The following FGFR1 variants were observed in gnomAD, a reference collection of about 807,000 sequenced individuals.
The protein encoded by FGFR1 is FGFR1/PLAG1 fusion.
A neutral mutation model predicts 93.7 loss-of-function variants in FGFR1; 18 were observed. The observed-to-expected ratio is 0.19, with a 90% confidence interval of 0.13 to 0.28. The LOEUF (loss-of-function observed/expected upper bound fraction) is 0.28. FGFR1 is among the 10% of genes least tolerant of loss of function. FGFR1 has a pLI of 1.00. For missense variants in FGFR1, 731 were observed against 1,080.4 expected (o/e 0.68, Z 4.53); for synonymous variants, 448 against 429.3 (o/e 1.04, Z -0.54).
chr8:38,454,526 C>G (rs1269052125), intron 2 of FGFR1, among the ~76,000 whole-genome samples: 1 of 152,176 alleles, frequency 6.6e-6, no homozygotes, highest in Non-Finnish European at 1.5e-5. Context: ...CCCACAGATG[C>G]TATTGCTGTA....
chr8:38,424,684 C>T lies in FGFR1; in HGVS notation c.761G>A (p.Arg254Gln), dbSNP rs1820085287. ...QLDVVERSPH[R>Q]PILQAGLPAN... Reference sequence around the variant, plus strand: ...GGGCAACCCTGCTTGCAGGATGGGCCGGTGAGGGGACCGCTCTGTGGAAGA... The same window carrying T: ...GGGCAACCCTGCTTGCAGGATGGGCTGGTGAGGGGACCGCTCTGTGGAAGA... Residue 254 changes from arginine (R) to glutamine (Q), a missense_variant, in exon 7 of 18, where the codon CGG becomes CAG. By Grantham distance (43) the Arg-to-Gln change is conservative. Around this residue, in one of 10 missense-constraint regions of FGFR1, gnomAD observed 109 missense variants for 249.4 expected, o/e 0.44. Coordinates refer to ENST00000447712, the MANE Select transcript of FGFR1 (RefSeq NM_023110.3). This position sits in a 1 kb window ranked among gnomAD's most constrained non-coding sequence, Gnocchi z 4.3. 1.2e-6 allele frequency: 2 copies of T among 1,611,968 alleles called. No homozygotes were observed. Among genetic ancestry groups the T allele is most frequent in the Non-Finnish European group, 8.5e-7 (1 of 1,178,216 alleles).
chr8:38,431,893 G>C (rs748014377), intron 2 of FGFR1, among the ~76,000 whole-genome samples: 3 of 152,118 alleles, frequency 2.0e-5, no homozygotes, highest in Admixed American at 6.5e-5. Flanking sequence ...AATGGTCTGT[G>C]GTTTTGCCAA....
rs374674165 is a variant in FGFR1, at chr8:38,419,638, C to G, written c.1179G>C (p.Ser393=). 1 of 1,614,056 alleles carries G rather than the reference C, an allele frequency of 6.2e-7. No individual in the cohort carries two copies. Among genetic ancestry groups the G allele is most frequent in the Non-Finnish European group, 8.5e-7 (1 of 1,179,986 alleles). Residue 393 remains serine, a synonymous_variant, in exon 9 of 18, where the codon TCG becomes TCC. Coordinates refer to ENST00000447712, the MANE Select transcript of FGFR1 (RefSeq NM_023110.3). Reference sequence around the variant, plus strand: ...CACTCTTCATCTTGTAGACGATGACCGACCCCACCATGCAGGAGATGAGGA... The same window carrying G: ...CACTCTTCATCTTGTAGACGATGACGGACCCCACCATGCAGGAGATGAGGA... ...GAFLISCMVG[S]VIVYKMKSGT... is the part of the protein sequence containing the mutation.
At chr8:38,467,041 T>C (rs1835721261) in intron 1 of FGFR1, among the ~76,000 whole-genome samples, 1 of 151,756 alleles carries the variant, frequency 6.6e-6, no homozygotes, top group Non-Finnish European at 1.5e-5. Context: ...AACATAACGG[T>C]AGGGGAAGCG....
At chr8:38,457,254 C>T (rs1261844934) in intron 2 of FGFR1, 102 bp downstream of exon 2, 19 of 1,314,722 alleles carry the variant, frequency 1.4e-5, no homozygotes, top group East Asian at 2.4e-5. Context: ...TGGGAAGGAG[C>T]CTTCCCTGTT....
Position 38,414,802 on chromosome 8 carries a change from C to T in FGFR1, c.1954G>A (p.Asp652Asn), listed in dbSNP as rs751038400. ...ACGTTGGTTGTCTTTTTATAGTAGT[C>T]GATGTGGTGAATGTCCCGTGCGAGG... is the stretch of plus-strand genomic sequence containing the variant. The part of the protein sequence containing the change: ...FGLARDIHHI[D>N]YYKKTTNGRL... The change falls in exon 14 of 18, where the codon GAC (aspartate) becomes AAC (asparagine). Residue 652 changes from aspartate to asparagine, a missense_variant. Physicochemically the swap from Asp to Asn is conservative, Grantham distance 23. This residue lies in a region of FGFR1 where 44 missense variants were observed against 99.9 expected (regional missense o/e 0.44). Transcript: ENST00000447712. 18 of 1,613,942 alleles carry T rather than the reference C, an allele frequency of 1.1e-5. No individual in the cohort carries two copies. Among genetic ancestry groups the T allele is most frequent in the Non-Finnish European group, 1.2e-5 (14 of 1,180,030 alleles).
chr8:38,418,612 C>A lies in FGFR1; in HGVS notation c.1285-239G>T, dbSNP rs908933942. ...TCACTCACCTTTAAAATAAGCAGAC[C>A]AAATGCACCTCTTCCAGCTTGACAT... On this transcript the variant is annotated intron_variant, in intron 9 of 17. Coordinates refer to ENST00000447712, the MANE Select transcript of FGFR1 (RefSeq NM_023110.3). 3 of 573,296 alleles carry A rather than the reference C, an allele frequency of 5.2e-6. No individual in the cohort carries two copies. In the African/African-American group the frequency reaches 5.6e-5, roughly 11 times the overall value. 35.5% of individuals were successfully genotyped at this position (573,296 alleles called of 1,614,324 possible).
At chr8:38,444,977 C>G (rs910285976) in intron 2 of FGFR1, among the ~76,000 whole-genome samples, 4 of 152,170 alleles carry the variant, frequency 2.6e-5, no homozygotes, top group Non-Finnish European at 5.9e-5. Context: ...ACTCAGATGA[C>G]AGCTGATCAC....
At chr8:38,446,814 C>T (rs1395981841) in intron 2 of FGFR1, among the ~76,000 whole-genome samples, 1 of 152,136 alleles carries the variant, frequency 6.6e-6, no homozygotes, top group Non-Finnish European at 1.5e-5. Flanking sequence ...GATTGTTGGA[C>T]CACATCCATA....
Position 38,412,446 on chromosome 8 carries a change from C to T in FGFR1, c.*1182G>A, listed in dbSNP as rs1814677832. 1 of 233,080 alleles carries T rather than the reference C, an allele frequency of 4.3e-6. No homozygotes were observed. Among genetic ancestry groups the T allele is most frequent in the East Asian group, 6.0e-5 (1 of 16,556 alleles). The allele number at this position is 233,080 out of a possible 1,614,324, so 14.4% of individuals were successfully genotyped here. On this transcript the variant is annotated 3_prime_UTR_variant, in exon 18 of 18. Coordinates refer to ENST00000447712, the MANE Select transcript of FGFR1 (RefSeq NM_023110.3). ...ACCGGTTTCCTTGGAGGAAACCATCCATGGTCGATGGCTGCTGGGCCTTGA... is the reference window on the plus strand; with the variant it reads ...ACCGGTTTCCTTGGAGGAAACCATCTATGGTCGATGGCTGCTGGGCCTTGA...
At chr8:38,454,094 C>G (rs1439271026) in intron 2 of FGFR1, among the ~76,000 whole-genome samples, 1 of 152,168 alleles carries the variant, frequency 6.6e-6, no homozygotes, top group Non-Finnish European at 1.5e-5. Context: ...CCATCCACCT[C>G]TCTTACTCCC....
At chr8:38,423,662 TAAAAAAAAAAA>T (rs1209840278) in intron 7 of FGFR1, 1 of 115,082 alleles carries the variant, frequency 8.7e-6, no homozygotes, top group Non-Finnish European at 1.8e-5. Context: ...AGCATTTGAT[TAAAAAAAAAAA>T]AAAAAAAAAA....
chr8:38,443,990 T>C (rs1202948511), intron 2 of FGFR1, among the ~76,000 whole-genome samples: 2 of 136,426 alleles, frequency 1.5e-5, no homozygotes, highest in African/African-American at 2.8e-5. Flanking sequence ...GAGGTGGAGG[T>C]TGCAGTGAGC....
At chr8:38,463,014 C>G (rs1037062398) in intron 1 of FGFR1, 1 of 152,110 alleles carries the variant, frequency 6.6e-6, no homozygotes, top group African/African-American at 2.4e-5. Context: ...AAGTGATCCT[C>G]CCACCTCAGC....
At chr8:38,466,891 CCCCA>C (rs1365197527) in intron 1 of FGFR1, among the ~76,000 whole-genome samples, 69 of 20,702 alleles carry the variant, frequency 3.3e-3, no homozygotes, top group East Asian at 0.031. Context: ...AGGCTTCACA[CCCCA>C]CCCCCCCCCC....
In FGFR1 at chr8:38,468,199, A is replaced by T. The variant is rs1835949886; in HGVS notation, c.-307T>A. 4.4e-6 allele frequency: 1 copy of T among 228,198 alleles called. No homozygotes were observed. Among genetic ancestry groups the T allele is most frequent in the Non-Finnish European group, 8.7e-6 (1 of 114,812 alleles). The allele number at this position is 228,198 out of a possible 1,614,324, so 14.1% of individuals were successfully genotyped here. On this transcript the variant is annotated 5_prime_UTR_variant, in exon 1 of 18. Transcript: ENST00000447712. The stretch of plus-strand genomic sequence containing the variant: ...AATGGAGCCGGAGCTGGTGCCCCGG[A>T]GGCGGGGCGGGGGGAGGGCTCCCGT...
rs1815756809 is a variant in FGFR1 at position 38,414,767 on chromosome 8, G to C, written c.1977+12C>G. Reference sequence around the variant, plus strand: ...GAAACCACCAGCACAGGGCGGCCTTGTCGGCACTCACGTTGGTTGTCTTTT... The same window carrying C: ...GAAACCACCAGCACAGGGCGGCCTTCTCGGCACTCACGTTGGTTGTCTTTT... On this transcript the variant is annotated intron_variant, in intron 14 of 17. Transcript: ENST00000447712. 1 of 1,613,966 alleles carries C rather than the reference G, an allele frequency of 6.2e-7. No homozygotes were observed. The highest frequency in any genetic ancestry group is 8.5e-7 in the Non-Finnish European group (1 of 1,180,054).
Position 38,417,874 on chromosome 8 carries a change from C to T in FGFR1, c.1548G>A (p.Leu516=), listed in dbSNP as rs779350149. 2.5e-6 allele frequency: 4 copies of T among 1,614,192 alleles called. No individual in the cohort carries two copies. In the East Asian group the frequency reaches 8.9e-5, roughly 36 times the overall value. The part of the protein sequence containing the change: ...NRVTKVAVKM[L]KSDATEKDLS... ...AAGGACAGAAGCATCACTTACACTTCAACATCTTCACAGCCACTTTGGTCA... is the reference window on the plus strand; with the variant it reads ...AAGGACAGAAGCATCACTTACACTTTAACATCTTCACAGCCACTTTGGTCA... Residue 516 remains leucine (L), a synonymous_variant, in exon 11 of 18, where the codon TTG becomes TTA. Coordinates refer to ENST00000447712, the MANE Select transcript of FGFR1 (RefSeq NM_023110.3).
rs761920009 is a variant in FGFR1, at chr8:38,426,154, C to T, written c.713G>A (p.Ser238Asn). Residue 238 changes from serine to asparagine, a missense_variant, in exon 6 of 18, where the codon AGC becomes AAC. By Grantham distance (46) the Ser-to-Asn change is conservative. Coordinates refer to ENST00000447712, the MANE Select transcript of FGFR1 (RefSeq NM_023110.3). The surrounding 1 kb of genome is among the most constrained non-coding windows in gnomAD (Gnocchi z 4.1). ...YTCIVENEYG[S>N]INHTYQLDVV... is the part of the protein sequence containing the mutation. ...ATCCAGCTGGTATGTGTGGTTGATG[C>T]TGCCGTACTCATTCTCCACAATGCA... 1 of 1,614,162 alleles carries T rather than the reference C, an allele frequency of 6.2e-7. No individual in the cohort carries two copies. Among genetic ancestry groups the T allele is most frequent in the South Asian group, 1.1e-5 (1 of 91,088 alleles).
Sources: allele counts gnomAD v4.1 joint callset (sites outside exome capture counted in the v4.1 genomes callset), GRCh38; gene constraint gnomAD v4.1.1; regional missense constraint gnomAD v4.1.1; non-coding constraint Gnocchi (gnomAD v3.1); transcripts MANE v1.5; gene names NCBI Gene and HGNC (gene_info 2026-07-23, HGNC 2026-07-21).